The following DNAJB14 variants were observed in gnomAD, a reference collection of about 807,000 sequenced individuals.
DNAJB14 encodes the protein DnaJ heat shock protein family (Hsp40) member B14, also known as dnaJ homolog subfamily B member 14.
Under a neutral mutation model 48.4 loss-of-function variants are expected in DNAJB14, and 22 were observed. The observed-to-expected ratio is 0.45, with a 90% confidence interval of 0.32 to 0.65. The LOEUF (loss-of-function observed/expected upper bound fraction) is 0.65. DNAJB14 is among the 30% of genes least tolerant of loss of function. The pLI is 0.03. For missense variants in DNAJB14, 319 were observed against 458.8 expected, an observed-to-expected ratio of 0.70 and a Z score of 2.78; for synonymous variants, 142 against 158.7, an observed-to-expected ratio of 0.89 and a Z score of 0.79.
At chr4:99,925,014 T>C (rs1726200460) in intron 2 of DNAJB14, 1 of 567,384 alleles carries the variant, frequency 1.8e-6, no homozygotes, top group African/African-American at 1.9e-5. Flanking sequence ...TGCCCTAGAC[T>C]CTAAGATGTA....
rs141718348 is a variant in DNAJB14, at chr4:99,921,134, A to C, written c.451+1906T>G. 4.2e-3 allele frequency among the ~76,000 whole-genome samples: 638 copies of C among 152,294 alleles called. 6 individuals carry two copies. Among genetic ancestry groups the C allele is most frequent in the African/African-American group, 0.014 (595 of 41,550 alleles). Reference sequence around the variant, plus strand: ...GTGTGGATTACAACTTGAGTTTTCTATGCAGTTTCCACTCAGTGAAAAATG... The same window carrying C: ...GTGTGGATTACAACTTGAGTTTTCTCTGCAGTTTCCACTCAGTGAAAAATG... On this transcript the variant is annotated intron_variant, in intron 3 of 7. Coordinates refer to ENST00000442697, the MANE Select transcript of DNAJB14 (RefSeq NM_001031723.4).
intron 1 of DNAJB14, among the ~76,000 whole-genome samples, chr4:99,941,587 T>C (rs925638830): frequency 2.0e-5 from 3 of 152,172 alleles, no homozygotes; most frequent in Non-Finnish European, 4.4e-5. Flanking sequence ...ACCAGATAGA[T>C]ACTTCATGTT....
At chr4:99,924,720 T>C (rs776929309) in intron 2 of DNAJB14, 9 of 1,608,820 alleles carry the variant, frequency 5.6e-6, no homozygotes, top group African/African-American at 5.4e-5. Flanking sequence ...AGCTATGTGA[T>C]AGAAAAAAAG....
At chr4:99,905,903 A>C in intron 5 of DNAJB14, 197 bp from the exon 6 acceptor site, 1 of 1,335,396 alleles carries the variant, frequency 7.5e-7, no homozygotes, top group Non-Finnish European at 9.9e-7. Flanking sequence ...TCTGATTTGA[A>C]AAACACTGAT....
chr4:99,909,979 TA>T (rs1389009243), intron 3 of DNAJB14, among the ~76,000 whole-genome samples: 1 of 152,084 alleles, frequency 6.6e-6, no homozygotes, highest in Non-Finnish European at 1.5e-5. Context: ...AACTAGATTG[TA>T]AGCCTCTTGC....
intron 2 of DNAJB14, among the ~76,000 whole-genome samples, chr4:99,924,118 T>G (rs550725960): frequency 1.3e-5 from 2 of 152,270 alleles, no homozygotes; most frequent in Non-Finnish European, 2.9e-5. Context: ...CCTAGTAATT[T>G]ACTTTCACAA....
rs377041449 is a variant in DNAJB14, at chr4:99,937,348, A to G, written c.134-6727T>C. On this transcript the variant is annotated intron_variant, in intron 1 of 7. Coordinates refer to ENST00000442697, the MANE Select transcript of DNAJB14 (RefSeq NM_001031723.4). ...AACATCATAGTGGAGGAAAACAGCA[A>G]TCACTAACTTAACTAAGTGATCAAA... Among the ~76,000 whole-genome samples, 33 of 152,248 alleles carry G rather than the reference A, an allele frequency of 2.2e-4. No individual in the cohort carries two copies. The East Asian group carries it at 5.6e-3, about 26-fold the overall frequency.
Position 99,938,903 on chromosome 4 carries a change from C to A in DNAJB14, c.133+7536G>T, listed in dbSNP as rs550212326. 2.0e-5 allele frequency among the ~76,000 whole-genome samples: 3 copies of A among 152,026 alleles called. No individual in the cohort carries two copies. In the South Asian group the frequency reaches 6.2e-4, roughly 32 times the overall value. On this transcript the variant is annotated intron_variant, in intron 1 of 7. Transcript: ENST00000442697. ...TTTCCTGAAAACTGATAAAAGCAAT[C>A]AAGCATTTATCATGATTTTCCTATA...
chr4:99,899,804 T>C lies in DNAJB14; in HGVS notation c.*1224A>G, dbSNP rs1725237455. On this transcript the variant is annotated 3_prime_UTR_variant, in exon 8 of 8. Coordinates refer to ENST00000442697, the MANE Select transcript of DNAJB14 (RefSeq NM_001031723.4). ...ATCAAAAACTTCAATTTCCAGCTGT[T>C]TTTTTTTTCTAATTCATATCATGGA... The C allele has an allele frequency of 6.6e-6, 1 of 151,550 alleles. No homozygotes were observed. Among genetic ancestry groups the C allele is most frequent in the Non-Finnish European group, 1.5e-5 (1 of 67,660 alleles). 9.4% of individuals were successfully genotyped at this position (151,550 alleles called of 1,614,324 possible). A position where few individuals can be genotyped will look rare whatever the true frequency, so the allele number is the denominator to read the frequency against.
Position 99,899,712 on chromosome 4 carries a change from T to C in DNAJB14, c.*1316A>G, listed in dbSNP as rs1244655624. On this transcript the variant is annotated 3_prime_UTR_variant, in exon 8 of 8. Coordinates refer to ENST00000442697, the MANE Select transcript of DNAJB14 (RefSeq NM_001031723.4). ...ATTAACCGAGTATGAAGCAAAATCA[T>C]TAAAATATTACAACTGCTAAACACA... 2.6e-5 allele frequency: 4 copies of C among 152,302 alleles called. No individual in the cohort carries two copies. Among genetic ancestry groups the C allele is most frequent in the Non-Finnish European group, 4.4e-5 (3 of 67,854 alleles). The allele number at this position is 152,302 out of a possible 1,614,324, so 9.4% of individuals were successfully genotyped here.
At chr4:99,906,645 A>G (rs1167844109) in intron 4 of DNAJB14, 34 bp from the exon 5 acceptor site, 2 of 1,505,944 alleles carry the variant, frequency 1.3e-6, no homozygotes, top group Non-Finnish European at 1.8e-6. Flanking sequence ...AATTAGGGAG[A>G]GCAATTATGA....
Position 99,918,876 on chromosome 4 carries a change from T to C in DNAJB14, c.451+4164A>G, listed in dbSNP as rs572692189. 2.0e-5 allele frequency among the ~76,000 whole-genome samples: 3 copies of C among 152,250 alleles called. No homozygotes were observed. The South Asian group carries it at 6.2e-4, about 32-fold the overall frequency. On this transcript the variant is annotated intron_variant, in intron 3 of 7. Transcript: ENST00000442697. The stretch of plus-strand genomic sequence containing the variant: ...GAATGAGCACCCTTTTATTGCCAGG[T>C]GGAGGTGAAAGTCCACATGATCTCC...
At chr4:99,913,706 T>C (rs373227103) in intron 3 of DNAJB14, among the ~76,000 whole-genome samples, 44 of 151,814 alleles carry the variant, frequency 2.9e-4, no homozygotes, top group African/African-American at 9.7e-4. Flanking sequence ...GGAAAATGTC[T>C]CTTCCTCTTC....
intron 7 of DNAJB14, among the ~76,000 whole-genome samples, chr4:99,902,775 A>C (rs1344440018): frequency 6.6e-6 from 1 of 152,156 alleles, no homozygotes; most frequent in Non-Finnish European, 1.5e-5. Flanking sequence ...TCTGGTTTTC[A>C]ATCACAAACG....
chr4:99,946,573 G>C lies in DNAJB14; in HGVS notation c.-2C>G. The C allele has an allele frequency of 6.2e-7, 1 of 1,613,314 alleles. No homozygotes were observed. The highest frequency in any genetic ancestry group is 2.2e-5 in the East Asian group (1 of 44,800). ...AGCCTCATCCCTGTTCCCCTCCATA[G>C]CTTGCTCCTTCTTCCGTTTCCTCCG... On this transcript the variant is annotated 5_prime_UTR_variant, in exon 1 of 8. Transcript: ENST00000442697.
chr4:99,903,686 G>T (rs752480776), intron 7 of DNAJB14, 40 bp downstream of exon 7: 1 of 1,574,478 alleles, frequency 6.4e-7, no homozygotes, highest in Non-Finnish European at 8.6e-7. Context: ...TCCAAAGACT[G>T]CGAATAAGTT....
At chr4:99,939,047 G>A (rs1408490411) in intron 1 of DNAJB14, among the ~76,000 whole-genome samples, 1 of 152,114 alleles carries the variant, frequency 6.6e-6, no homozygotes, top group Non-Finnish European at 1.5e-5. Context: ...TATGAAAGTG[G>A]TTATATATGT....
In DNAJB14 at chr4:99,946,523, C is replaced by T; in HGVS notation, c.49G>A (p.Glu17Lys). The change falls in exon 1 of 8, where the codon GAG (glutamate) becomes AAG (lysine). Residue 17 changes from glutamate (E) to lysine (K), a missense_variant. Physicochemically the swap from Glu to Lys is moderately conservative, Grantham distance 56. This residue lies in a region of DNAJB14 where 116 missense variants were observed against 134.6 expected (regional missense o/e 0.86). Coordinates refer to ENST00000442697, the MANE Select transcript of DNAJB14 (RefSeq NM_001031723.4). ...TCGCGGTTGCCGGCGTTCAGGGCCT[C>T]CCGGGCGATCTCGACACATTTCTCA... ...EAEKCVEIAREALNAGNREKA... is the reference protein window; with the variant it reads ...EAEKCVEIARKALNAGNREKA... 2 of 1,613,928 alleles carry T rather than the reference C, an allele frequency of 1.2e-6. No homozygotes were observed. Among genetic ancestry groups the T allele is most frequent in the Non-Finnish European group, 1.7e-6 (2 of 1,179,832 alleles).
At chr4:99,917,117 A>C (rs1658602126) in intron 3 of DNAJB14, among the ~76,000 whole-genome samples, 1 of 152,232 alleles carries the variant, frequency 6.6e-6, no homozygotes, top group African/African-American at 2.4e-5. Flanking sequence ...CCTGGGTGAC[A>C]GAGACTACGT....
Sources: allele counts gnomAD v4.1 joint callset (sites outside exome capture counted in the v4.1 genomes callset), GRCh38; gene constraint gnomAD v4.1.1; regional missense constraint gnomAD v4.1.1; transcripts MANE v1.5; gene names NCBI Gene and HGNC (gene_info 2026-07-23, HGNC 2026-07-21).